TMEM132D: variants seen among roughly 807,000 people sequenced by gnomAD.
The protein encoded by TMEM132D is transmembrane protein 132D.
TMEM132D carries 21 observed loss-of-function variants against 62.3 expected under a neutral mutation model. The observed-to-expected ratio is 0.34, with a 90% CI of 0.24 to 0.49. TMEM132D has a LOEUF of 0.49. TMEM132D is among the 20% of genes least tolerant of loss of function. The pLI, the probability that TMEM132D is intolerant of heterozygous loss-of-function variation, is 0.99. For synonymous variants in TMEM132D, 621 were observed against 575.6 expected, an observed-to-expected ratio of 1.08 and a Z score of -1.13; for missense variants, 1,346 against 1,402.8, an observed-to-expected ratio of 0.96 and a Z score of 0.65.
intron 4 of TMEM132D, among the ~76,000 whole-genome samples, chr12:129,285,420 G>A (rs1440769857): frequency 7.9e-5 from 12 of 151,188 alleles, no homozygotes; most frequent in South Asian, 2.1e-4. Flanking sequence ...CCAGCGACCC[G>A]GGAGGCTGAG....
intron 3 of TMEM132D, among the ~76,000 whole-genome samples, chr12:129,400,516 A>C (rs1871590038): frequency 6.6e-6 from 1 of 152,194 alleles, no homozygotes; most frequent in Admixed American, 6.5e-5. Context: ...ACAGAAACTA[A>C]GAACCCATGA....
At chr12:129,512,060 G>A (rs75693985) in intron 3 of TMEM132D, among the ~76,000 whole-genome samples, 2,496 of 152,130 alleles carry the variant, frequency 0.016, 27 homozygotes, top group Middle Eastern at 0.027. Context: ...TTGTTTTACC[G>A]TACAGCATCT....
At position 129,468,093 on chromosome 12, in the gene TMEM132D, C is replaced by T. The variant is rs1873970544; in HGVS notation, c.1115+62966G>A. Among the ~76,000 whole-genome samples, 3 of 152,312 alleles carry T rather than the reference C, an allele frequency of 2.0e-5. No homozygotes were observed. In the South Asian group the frequency reaches 6.2e-4, roughly 32 times the overall value. ...TATTTTTCTACCCAGGCCAGCTCCT[C>T]CACTTCAGCCACTCTGCATCTGAGG... is the stretch of plus-strand genomic sequence containing the variant. On this transcript the variant is annotated intron_variant, in intron 3 of 8. Coordinates refer to ENST00000422113, the MANE Select transcript of TMEM132D (RefSeq NM_133448.3).
chr12:129,782,949 T>C (rs1187432089), intron 1 of TMEM132D, among the ~76,000 whole-genome samples: 1 of 152,252 alleles, frequency 6.6e-6, no homozygotes. Flanking sequence ...TTCATGTTCA[T>C]GATAAACCCC....
At chr12:129,267,073 G>A (rs986131073) in intron 4 of TMEM132D, among the ~76,000 whole-genome samples, 6 of 152,124 alleles carry the variant, frequency 3.9e-5, no homozygotes, top group Non-Finnish European at 7.4e-5. Flanking sequence ...TAAGTCTCTG[G>A]GCTGGTGCCA....
At chr12:129,508,575 C>T (rs1385248364) in intron 3 of TMEM132D, among the ~76,000 whole-genome samples, 1 of 152,074 alleles carries the variant, frequency 6.6e-6, no homozygotes, top group African/African-American at 2.4e-5. Flanking sequence ...TGCCTCATGA[C>T]CGTAGGAAAA....
intron 1 of TMEM132D, among the ~76,000 whole-genome samples, chr12:129,721,481 A>G (rs191510033): frequency 6.6e-6 from 1 of 152,184 alleles, no homozygotes; most frequent in Non-Finnish European, 1.5e-5. Flanking sequence ...AGCTTCACCA[A>G]TGCTAGAAGG....
At chr12:129,112,869 A>T (rs1014098808) in intron 5 of TMEM132D, among the ~76,000 whole-genome samples, 1 of 152,152 alleles carries the variant, frequency 6.6e-6, no homozygotes, top group African/African-American at 2.4e-5. Flanking sequence ...TTGTGACCTA[A>T]GGAAGCCCTG....
intron 4 of TMEM132D, among the ~76,000 whole-genome samples, chr12:129,215,080 C>T (rs2135570221): frequency 6.6e-6 from 1 of 152,286 alleles, no homozygotes; most frequent in African/African-American, 2.4e-5. Context: ...CAATGGTAGA[C>T]TGGATAGAGA....
At chr12:129,348,148 G>A (rs139039490) in intron 3 of TMEM132D, among the ~76,000 whole-genome samples, 2,212 of 152,242 alleles carry the variant, frequency 0.015, 49 homozygotes, top group African/African-American at 0.051. Context: ...ACAGTGTGGC[G>A]ATTCCCCAAG....
At chr12:129,561,690 A>G (rs1040736656) in intron 2 of TMEM132D, among the ~76,000 whole-genome samples, 3 of 152,238 alleles carry the variant, frequency 2.0e-5, no homozygotes, top group Non-Finnish European at 2.9e-5. Flanking sequence ...AAGAAGATTA[A>G]AATTAAATCA....
rs144229338 is a variant in TMEM132D at position 129,782,677 on chromosome 12, C to T, written c.80-81979G>A. 1.2e-4 allele frequency among the ~76,000 whole-genome samples: 18 copies of T among 152,256 alleles called. 1 individual carries two copies. The East Asian group carries it at 3.5e-3, about 29-fold the overall frequency. On this transcript the variant is annotated intron_variant, in intron 1 of 8. Coordinates refer to ENST00000422113, the MANE Select transcript of TMEM132D (RefSeq NM_133448.3). ...TCCTGATAAAGCCAGGTAAGTCACA[C>T]AGGTGTATTTCTGATAAATCCAGGT...
chr12:129,523,486 A>G (rs1360624110), intron 3 of TMEM132D, among the ~76,000 whole-genome samples: 1 of 152,234 alleles, frequency 6.6e-6, no homozygotes, highest in Non-Finnish European at 1.5e-5. Context: ...CAAGAGAAGC[A>G]GTCGGTATTT....
chr12:129,602,938 T>C (rs1286962665), intron 2 of TMEM132D, among the ~76,000 whole-genome samples: 2 of 152,102 alleles, frequency 1.3e-5, no homozygotes, highest in African/African-American at 4.8e-5. Context: ...GAAAAGCCCC[T>C]AATAAAACCA....
chr12:129,793,378 C>A (rs1307232874), intron 1 of TMEM132D, among the ~76,000 whole-genome samples: 1 of 151,968 alleles, frequency 6.6e-6, no homozygotes, highest in Non-Finnish European at 1.5e-5. Context: ...GGAATTTTTA[C>A]TATTATTTTT....
At chr12:129,304,897 C>G (rs1261094796) in intron 4 of TMEM132D, among the ~76,000 whole-genome samples, 2 of 152,122 alleles carry the variant, frequency 1.3e-5, no homozygotes, top group African/African-American at 2.4e-5. Flanking sequence ...CTCTTGCCCT[C>G]AAGTGATCTG....
chr12:129,742,119 T>A (rs533626653), intron 1 of TMEM132D, among the ~76,000 whole-genome samples: 9 of 152,344 alleles, frequency 5.9e-5, no homozygotes, highest in African/African-American at 2.2e-4. Flanking sequence ...TCAGAATGGC[T>A]TCCAATGAAA....
intron 1 of TMEM132D, among the ~76,000 whole-genome samples, chr12:129,801,756 T>G (rs1363131855): frequency 1.2e-4 from 18 of 148,258 alleles, no homozygotes; most frequent in African/African-American, 4.0e-4. Flanking sequence ...CGGGAGGACA[T>G]TCAAACCAAA....
At chr12:129,161,264 G>C (rs1490573448) in intron 5 of TMEM132D, among the ~76,000 whole-genome samples, 2 of 151,988 alleles carry the variant, frequency 1.3e-5, no homozygotes, top group African/African-American at 2.4e-5. Context: ...CTAAATAAAT[G>C]GTAAAAAGGA....
Sources: gnomAD v4.1 joint callset for allele counts (sites outside exome capture counted in the v4.1 genomes callset) on GRCh38, gnomAD v4.1.1 for gene constraint, MANE v1.5 for transcripts, NCBI Gene and HGNC (gene_info 2026-07-23, HGNC 2026-07-21) for gene names.